The following SFMBT2 variants were observed in gnomAD, a reference collection of about 807,000 sequenced individuals.
SFMBT2 encodes the protein scm-like with four MBT domains protein 2.
In SFMBT2, 38 loss-of-function variants were observed where a neutral mutation model predicts 110.1. That is an observed-to-expected ratio of 0.35 (90% CI 0.27 to 0.45). The LOEUF is 0.45. Among genes scored for constraint, SFMBT2 ranks in the 20% least tolerant of loss-of-function variants. The pLI, the probability that SFMBT2 is intolerant of heterozygous loss-of-function variation, is 1.00. For synonymous variants in SFMBT2, 425 were observed against 425.4 expected (o/e 1.00, Z 0.01); for missense variants, 1,011 against 1,094.9 (o/e 0.92, Z 1.08).
chr10:7,251,877 G>A (rs1840823138), intron 7 of SFMBT2, among the ~76,000 whole-genome samples: 1 of 152,136 alleles, frequency 6.6e-6, no homozygotes, highest in Non-Finnish European at 1.5e-5. Flanking sequence ...ACAAGCATGG[G>A]TCTTCTCCCT....
chr10:7,216,249 T>A (rs1369545950), intron 11 of SFMBT2, among the ~76,000 whole-genome samples: 1 of 152,118 alleles, frequency 6.6e-6, no homozygotes, highest in East Asian at 1.9e-4. Flanking sequence ...CACCCAAATC[T>A]CATCTTGAAT....
intron 2 of SFMBT2, among the ~76,000 whole-genome samples, chr10:7,375,800 C>CACACAA (rs1491315759): frequency 2.0e-4 from 23 of 113,500 alleles, no homozygotes; most frequent in South Asian, 1.0e-3. Context: ...CACACACACA[C>CACACAA]AAATCACCTA....
chr10:7,384,786 C>G (rs1477589410), intron 1 of SFMBT2, among the ~76,000 whole-genome samples: 1 of 152,212 alleles, frequency 6.6e-6, no homozygotes, highest in Non-Finnish European at 1.5e-5. Context: ...CTGCATTCTT[C>G]TAAGAGCAAT....
chr10:7,389,182 T>G (rs1385295433), intron 1 of SFMBT2, among the ~76,000 whole-genome samples: 1 of 152,162 alleles, frequency 6.6e-6, no homozygotes, highest in Non-Finnish European at 1.5e-5. Flanking sequence ...CTATCAAATA[T>G]GAGAATAATA....
Position 7,265,608 on chromosome 10 carries a change from G to A in SFMBT2, c.870+11284C>T, listed in dbSNP as rs571308080. Among the ~76,000 whole-genome samples, 195 of 152,244 alleles carry A rather than the reference G, an allele frequency of 1.3e-3. 2 individuals are homozygous for A. The highest frequency in any genetic ancestry group is 4.4e-3 in the African/African-American group (184 of 41,532). On this transcript the variant is annotated intron_variant, in intron 7 of 20. Transcript: ENST00000397167. ...CTCTTCTTAGCAAAGAACTGAGCTGGGGTATTTTTAGTTGATTACAAAAGT... is the reference window on the plus strand; with the variant it reads ...CTCTTCTTAGCAAAGAACTGAGCTGAGGTATTTTTAGTTGATTACAAAAGT...
At chr10:7,329,445 C>T (rs917331967) in intron 4 of SFMBT2, 7 of 985,290 alleles carry the variant, frequency 7.1e-6, no homozygotes, top group African/African-American at 1.7e-5. Flanking sequence ...ACCACAAAAG[C>T]GGTGAGGGAA....
chr10:7,290,043 T>C (rs1297044478), intron 4 of SFMBT2, among the ~76,000 whole-genome samples: 8 of 152,178 alleles, frequency 5.3e-5, no homozygotes, highest in Admixed American at 5.2e-4. Context: ...TATCTTATTC[T>C]TCAAATTGAA....
chr10:7,402,483 T>C (rs529015161), intron 1 of SFMBT2, among the ~76,000 whole-genome samples: 1 of 152,232 alleles, frequency 6.6e-6, no homozygotes, highest in Admixed American at 6.5e-5. Context: ...GGACTTGGTT[T>C]ACTCCAACCA....
intron 4 of SFMBT2, among the ~76,000 whole-genome samples, chr10:7,319,922 G>C (rs1172813698): frequency 1.3e-5 from 2 of 151,150 alleles, no homozygotes; most frequent in African/African-American, 4.9e-5. Flanking sequence ...GAGAGAGACA[G>C]AGAGACTGAG....
chr10:7,268,327 T>C (rs187137521), intron 7 of SFMBT2, among the ~76,000 whole-genome samples: 120 of 152,334 alleles, frequency 7.9e-4, no homozygotes, highest in Non-Finnish European at 1.3e-3. Flanking sequence ...CATTGTTTGA[T>C]GACAGAAACA....
At chr10:7,385,574 C>CA (rs1445890642) in intron 1 of SFMBT2, among the ~76,000 whole-genome samples, 2 of 152,076 alleles carry the variant, frequency 1.3e-5, no homozygotes, top group African/African-American at 4.8e-5. Flanking sequence ...GACGGAGCCC[C>CA]AAAAACAATG....
intron 1 of SFMBT2, among the ~76,000 whole-genome samples, chr10:7,395,913 T>A (rs1247139623): frequency 2.6e-5 from 4 of 152,166 alleles, no homozygotes; most frequent in Admixed American, 2.6e-4. Context: ...TTCGTAGATG[T>A]TTGCTGATGT....
At chr10:7,249,487 T>C in intron 7 of SFMBT2, 1 of 981,742 alleles carries the variant, frequency 1.0e-6, no homozygotes, top group Non-Finnish European at 1.2e-6. Flanking sequence ...TGAATGTATT[T>C]GCAGTCTGTC....
chr10:7,386,511 G>A (rs901192973), intron 1 of SFMBT2, among the ~76,000 whole-genome samples: 1 of 152,106 alleles, frequency 6.6e-6, no homozygotes, highest in Non-Finnish European at 1.5e-5. Flanking sequence ...AGGAGGCTGT[G>A]GCACAAGAAT....
At chr10:7,241,327 A>T (rs1840424023) in intron 9 of SFMBT2, 1 of 982,800 alleles carries the variant, frequency 1.0e-6, no homozygotes, top group Non-Finnish European at 1.2e-6. Flanking sequence ...CCACTTCTTG[A>T]ATGCTTTAAT....
intron 4 of SFMBT2, among the ~76,000 whole-genome samples, chr10:7,312,352 G>A (rs750650091): frequency 4.6e-5 from 7 of 152,182 alleles, no homozygotes; most frequent in African/African-American, 7.2e-5. Context: ...AACTACCAAC[G>A]GGTGAACAGC....
intron 7 of SFMBT2, among the ~76,000 whole-genome samples, chr10:7,256,644 C>T (rs1318354413): frequency 6.6e-6 from 1 of 152,184 alleles, no homozygotes; most frequent in African/African-American, 2.4e-5. Context: ...ATCAATTATC[C>T]TCCATCGATA....
At chr10:7,219,900 G>T in intron 11 of SFMBT2, 1 of 159,686 alleles carries the variant, frequency 6.3e-6, no homozygotes, top group African/African-American at 2.4e-5. Context: ...ATACGCTATA[G>T]CTATAAAGGA....
At chr10:7,385,817 G>A (rs981120647) in intron 1 of SFMBT2, among the ~76,000 whole-genome samples, 51 of 152,120 alleles carry the variant, frequency 3.4e-4, no homozygotes, top group Non-Finnish European at 5.0e-4. Context: ...GGCTAACACG[G>A]TGAAACCCCG....
Sources: gnomAD v4.1 joint callset for allele counts (sites outside exome capture counted in the v4.1 genomes callset) on GRCh38, gnomAD v4.1.1 for gene constraint, MANE v1.5 for transcripts, NCBI Gene and HGNC (gene_info 2026-07-23, HGNC 2026-07-21) for gene names.